SHTN1: variants seen among roughly 807,000 people sequenced by gnomAD.
The protein encoded by SHTN1 is shootin-1.
A neutral mutation model predicts 83.1 loss-of-function variants in SHTN1; 42 were observed. The ratio of observed to expected loss-of-function variants is 0.51; its 90% confidence interval spans 0.39 to 0.65. The LOEUF is 0.65. Among genes scored for constraint, SHTN1 ranks in the 30% least tolerant of loss-of-function variants. The probability of loss-of-function intolerance (pLI) is 0.00; values close to 1 mark genes in which losing one functional copy is unlikely to be tolerated. For synonymous variants in SHTN1, 224 were observed against 247.7 expected (o/e 0.90, Z 0.90); for missense variants, 622 against 737.8 (o/e 0.84, Z 1.82).
intron 2 of SHTN1, among the ~76,000 whole-genome samples, chr10:117,020,488 A>C (rs1459538431): frequency 1.3e-5 from 2 of 150,686 alleles, no homozygotes; most frequent in Non-Finnish European, 3.0e-5. Context: ...CAACAGAGCA[A>C]GACTCCGTCT....
Position 116,970,777 on chromosome 10 carries a change from T to C in SHTN1, c.112-2065A>G, listed in dbSNP as rs1175040649. Among the ~76,000 whole-genome samples, 9 of 150,530 alleles carry C rather than the reference T, an allele frequency of 6.0e-5. No individual in the cohort carries two copies. In the East Asian group the frequency reaches 1.7e-3, roughly 29 times the overall value. ...CAGAAGATATATCAGATATATCAAA[T>C]AATATCTTACATACACAAATGCATC... On this transcript the variant is annotated intron_variant, in intron 2 of 16. Coordinates refer to ENST00000355371, the MANE Select transcript of SHTN1 (RefSeq NM_001127211.3).
At chr10:116,977,224 T>G (rs1242619008) in intron 2 of SHTN1, among the ~76,000 whole-genome samples, 2 of 152,176 alleles carry the variant, frequency 1.3e-5, no homozygotes, top group African/African-American at 2.4e-5. Flanking sequence ...AATAAAAAAT[T>G]TTATCTACTT....
chr10:117,047,192 G>A (rs1445602368), intron 2 of SHTN1, among the ~76,000 whole-genome samples: 2 of 152,094 alleles, frequency 1.3e-5, no homozygotes, highest in Non-Finnish European at 2.9e-5. Flanking sequence ...AGCTTCCTGA[G>A]TAGCTGGGAT....
chr10:117,001,076 C>G (rs981338945), intron 1 of SHTN1, among the ~76,000 whole-genome samples: 1 of 151,658 alleles, frequency 6.6e-6, no homozygotes. Flanking sequence ...GAAATATCCA[C>G]TTTAGTAGCT....
chr10:117,075,248 C>T (rs1853135720), intron 1 of SHTN1, among the ~76,000 whole-genome samples: 1 of 152,166 alleles, frequency 6.6e-6, no homozygotes, highest in Non-Finnish European at 1.5e-5. Flanking sequence ...CAGCCCTCAA[C>T]ATAGAGGCTC....
Position 116,979,308 on chromosome 10 carries a change from G to C in SHTN1, c.59C>G (p.Ala20Gly). ...TCTAAGGTCTTCATATTCGCCTATT[G>C]CTAAAAGAAAAAAGGAAAGCAACAT... The part of the protein sequence containing the change: ...LQLITSLKEQ[A>G]IGEYEDLRAE... The change falls in exon 2 of 17, where the codon GCA (alanine) becomes GGA (glycine). Residue 20 changes from alanine (A) to glycine (G), a missense_variant and splice_region_variant. Transcript: ENST00000355371. 6.2e-7 allele frequency: 1 copy of C among 1,613,150 alleles called. No individual in the cohort carries two copies. The highest frequency in any genetic ancestry group is 8.5e-7 in the Non-Finnish European group (1 of 1,179,528).
At chr10:117,117,098 G>C (rs1472041712) in intron 1 of SHTN1, among the ~76,000 whole-genome samples, 1 of 152,064 alleles carries the variant, frequency 6.6e-6, no homozygotes, top group African/African-American at 2.4e-5. Context: ...GTCCAGATAG[G>C]AAAAGAAGAA....
intron 9 of SHTN1, among the ~76,000 whole-genome samples, chr10:116,935,724 A>G (rs1849135253): frequency 6.6e-6 from 1 of 152,172 alleles, no homozygotes; most frequent in Non-Finnish European, 1.5e-5. Context: ...TGCTTGGAAT[A>G]GTTTCAGAAG....
In SHTN1 at chr10:116,944,051, T is replaced by G. The variant is rs1589829270; in HGVS notation, c.711+873A>C. ...GCTGGTGAAACGCTGAGATAATGAA[T>G]GTACTACATGGCAGTGTTCCACAGC... is the stretch of plus-strand genomic sequence containing the variant. On this transcript the variant is annotated intron_variant, in intron 8 of 16. Transcript: ENST00000355371. Among the ~76,000 whole-genome samples, 3 of 152,198 alleles carry G rather than the reference T, an allele frequency of 2.0e-5. No individual in the cohort carries two copies. The South Asian group carries it at 6.2e-4, about 32-fold the overall frequency.
chr10:117,047,783 T>C (rs988061262), intron 2 of SHTN1, among the ~76,000 whole-genome samples: 9 of 151,722 alleles, frequency 5.9e-5, no homozygotes, highest in African/African-American at 2.2e-4. Flanking sequence ...GTCTCTCTTT[T>C]TTTTTGTATT....
chr10:117,005,528 C>T (rs371289435), upstream of SHTN1: 32 of 1,001,058 alleles, frequency 3.2e-5, no homozygotes, highest in East Asian at 9.9e-4. Context: ...ACTTTGGACG[C>T]TTCCCGGGGG....
chr10:116,891,735 A>T (rs1164151116), intron 16 of SHTN1, among the ~76,000 whole-genome samples: 1 of 151,954 alleles, frequency 6.6e-6, no homozygotes, highest in East Asian at 1.9e-4. Flanking sequence ...CTTGTCCAAA[A>T]CTTCACAAAT....
At chr10:116,918,881 G>T (rs1239028191) in intron 12 of SHTN1, among the ~76,000 whole-genome samples, 14 of 152,220 alleles carry the variant, frequency 9.2e-5, no homozygotes, top group Non-Finnish European at 2.1e-4. Context: ...TCCAGAACTG[G>T]CCTAACAAAT....
At chr10:117,096,067 A>G (rs1295804920) in intron 1 of SHTN1, among the ~76,000 whole-genome samples, 1 of 152,176 alleles carries the variant, frequency 6.6e-6, no homozygotes, top group Non-Finnish European at 1.5e-5. Flanking sequence ...ACTCTTCTCA[A>G]TTTCTTGGGT....
At chr10:116,976,588 T>C (rs1850816455) in intron 2 of SHTN1, among the ~76,000 whole-genome samples, 1 of 152,204 alleles carries the variant, frequency 6.6e-6, no homozygotes, top group Admixed American at 6.5e-5. Context: ...TGATGTCAAC[T>C]GGACAAAGCT....
chr10:116,939,940 G>A (rs1371223074), intron 9 of SHTN1, among the ~76,000 whole-genome samples: 1 of 152,140 alleles, frequency 6.6e-6, no homozygotes, highest in East Asian at 1.9e-4. Flanking sequence ...AGCTGGAATA[G>A]CTCCACTCAT....
chr10:116,949,631 T>C (rs947267003), intron 6 of SHTN1, among the ~76,000 whole-genome samples: 4 of 152,190 alleles, frequency 2.6e-5, no homozygotes, highest in Non-Finnish European at 4.4e-5. Flanking sequence ...AACCTGCACA[T>C]TGTGCACATG....
chr10:116,930,061 AAAAG>A (rs1389404178), intron 9 of SHTN1, 59 bp from the exon 10 acceptor site: 5 of 1,167,316 alleles, frequency 4.3e-6, no homozygotes, highest in Middle Eastern at 2.8e-4. Flanking sequence ...TTTGTCAAAG[AAAAG>A]AAAGGGAAAA....
chr10:116,988,731 G>C (rs1322806147), intron 1 of SHTN1, among the ~76,000 whole-genome samples: 1 of 151,668 alleles, frequency 6.6e-6, no homozygotes, highest in Non-Finnish European at 1.5e-5. Context: ...TTGTAGGGAG[G>C]GGTTCTTGTT....
Sources: allele counts gnomAD v4.1 joint callset (sites outside exome capture counted in the v4.1 genomes callset), GRCh38; gene constraint gnomAD v4.1.1; transcripts MANE v1.5; gene names NCBI Gene and HGNC (gene_info 2026-07-23, HGNC 2026-07-21).